Variants in SUGCT observed in about 807,000 individuals in gnomAD.
The protein encoded by SUGCT is succinyl-CoA:glutarate CoA-transferase.
A neutral mutation model predicts 55.0 loss-of-function variants in SUGCT; 41 were observed. That is an observed-to-expected ratio of 0.74 (90% CI 0.58 to 0.97). The LOEUF is 0.97. Ranked by LOEUF, SUGCT falls within the 50% of genes least tolerant of loss-of-function variation. The probability of loss-of-function intolerance (pLI) is 0.00; values close to 1 mark genes in which losing one functional copy is unlikely to be tolerated. For synonymous variants in SUGCT, 187 were observed against 200.4 expected (o/e 0.93, Z 0.56); for missense variants, 568 against 547.8 (o/e 1.04, Z -0.37).
At chr7:40,561,164 C>T (rs1318891512) in intron 12 of SUGCT, among the ~76,000 whole-genome samples, 1 of 152,150 alleles carries the variant, frequency 6.6e-6, no homozygotes, top group East Asian at 1.9e-4. Context: ...CCTTTTTACA[C>T]AGACTAGGAA....
chr7:40,593,302 A>T (rs1032407749), intron 12 of SUGCT, among the ~76,000 whole-genome samples: 2 of 152,044 alleles, frequency 1.3e-5, no homozygotes, highest in Non-Finnish European at 2.9e-5. Context: ...CCCCAAACCC[A>T]CACCATCCCA....
intron 12 of SUGCT, among the ~76,000 whole-genome samples, chr7:40,621,393 A>C (rs1388658479): frequency 6.6e-6 from 1 of 152,190 alleles, no homozygotes; most frequent in East Asian, 1.9e-4. Flanking sequence ...TAGAGCTGAG[A>C]TGCTGAGCTG....
At chr7:40,779,346 T>A (rs559930080) in intron 13 of SUGCT, among the ~76,000 whole-genome samples, 2 of 152,336 alleles carry the variant, frequency 1.3e-5, no homozygotes, top group African/African-American at 4.8e-5. Flanking sequence ...AGTCAGCTTG[T>A]GTACATACTG....
chr7:40,254,750 G>T (rs913605912), intron 7 of SUGCT, among the ~76,000 whole-genome samples: 2 of 151,364 alleles, frequency 1.3e-5, no homozygotes, highest in Non-Finnish European at 2.9e-5. Flanking sequence ...TAAAATGTCA[G>T]GTTTTACCTC....
intron 12 of SUGCT, among the ~76,000 whole-genome samples, chr7:40,595,683 C>T (rs1797978822): frequency 6.6e-6 from 1 of 151,178 alleles, no homozygotes; most frequent in Non-Finnish European, 1.5e-5. Context: ...GAACTAGTTA[C>T]AGTTATAACT....
At chr7:40,201,297 T>A (rs532057923) in intron 6 of SUGCT, among the ~76,000 whole-genome samples, 63 of 152,318 alleles carry the variant, frequency 4.1e-4, no homozygotes, top group Middle Eastern at 3.4e-3. Context: ...CAAGATTTTT[T>A]AAAAATTTCT....
At chr7:40,567,674 G>A (rs1796219867) in intron 12 of SUGCT, among the ~76,000 whole-genome samples, 1 of 152,096 alleles carries the variant, frequency 6.6e-6, no homozygotes, top group African/African-American at 2.4e-5. Context: ...TTTCAAAGTT[G>A]TTCTCACACT....
chr7:40,858,509 A>T (rs1794313138), intron 13 of SUGCT, among the ~76,000 whole-genome samples: 1 of 152,092 alleles, frequency 6.6e-6, no homozygotes, highest in Admixed American at 6.5e-5. Flanking sequence ...GTAAAGTCAC[A>T]TGACATTGAC....
chr7:40,378,369 GA>G (rs1451812562), intron 9 of SUGCT, among the ~76,000 whole-genome samples: 3 of 152,112 alleles, frequency 2.0e-5, no homozygotes, highest in Non-Finnish European at 4.4e-5. Flanking sequence ...CAAAGTTACT[GA>G]TTCTTCTGCC....
intron 12 of SUGCT, among the ~76,000 whole-genome samples, chr7:40,675,432 T>C (rs1783924270): frequency 6.6e-6 from 1 of 152,228 alleles, no homozygotes. Flanking sequence ...TATATTTGTA[T>C]GTGTAGAAAA....
chr7:40,744,560 C>A (rs1319476072), intron 12 of SUGCT, among the ~76,000 whole-genome samples: 3 of 152,146 alleles, frequency 2.0e-5, no homozygotes, highest in African/African-American at 7.2e-5. Flanking sequence ...ATTAGACACA[C>A]CTAAATTATA....
intron 12 of SUGCT, among the ~76,000 whole-genome samples, chr7:40,686,249 G>A (rs1784459466): frequency 6.6e-6 from 1 of 152,106 alleles, no homozygotes; most frequent in African/African-American, 2.4e-5. Flanking sequence ...AAAACCAAAA[G>A]ACTGTGAAAC....
chr7:40,847,383 A>G (rs1322687601), intron 13 of SUGCT, among the ~76,000 whole-genome samples: 7 of 146,844 alleles, frequency 4.8e-5, no homozygotes, highest in Admixed American at 2.1e-4. Flanking sequence ...TGTCCTGGAG[A>G]TGACATATAC....
At chr7:40,747,864 T>C (rs374100888) in intron 12 of SUGCT, among the ~76,000 whole-genome samples, 14 of 152,330 alleles carry the variant, frequency 9.2e-5, no homozygotes, top group Admixed American at 3.3e-4. Context: ...TCAACACTTA[T>C]GTATCAGAAT....
At chr7:40,220,841 G>A (rs947162384) in intron 6 of SUGCT, among the ~76,000 whole-genome samples, 4 of 152,126 alleles carry the variant, frequency 2.6e-5, no homozygotes, top group African/African-American at 9.7e-5. Flanking sequence ...AATCTTCCTT[G>A]TTTGGATTGT....
rs192136554 is a variant in SUGCT at position 40,617,563 on chromosome 7, C to T, written c.1089+121177C>T. On this transcript the variant is annotated intron_variant, in intron 12 of 13. Transcript: ENST00000335693. ...CTCTTCCAGGAGAAAAGAAATTTAG[C>T]TACTTGAAAAAAAGGCACTTAACTT... Among the ~76,000 whole-genome samples the T allele has an allele frequency of 1.0e-3, 149 of 148,212 alleles. No homozygotes were observed. In the Middle Eastern group the frequency reaches 0.01, roughly 10 times the overall value.
At chr7:41,020,609 A>C in the SUGCT span, among the ~76,000 whole-genome samples, 1 of 152,190 alleles carries the variant, frequency 6.6e-6, no homozygotes, top group African/African-American at 2.4e-5. Flanking sequence ...TATTTAAGGA[A>C]ATTCAATGTT....
At chr7:40,234,748 A>C (rs1788912921) in intron 6 of SUGCT, among the ~76,000 whole-genome samples, 1 of 151,988 alleles carries the variant, frequency 6.6e-6, no homozygotes, top group Non-Finnish European at 1.5e-5. Flanking sequence ...ATCCCTACCC[A>C]AAATGCAAAA....
chr7:40,506,739 C>T (rs1030892689), intron 12 of SUGCT, among the ~76,000 whole-genome samples: 16 of 151,962 alleles, frequency 1.1e-4, no homozygotes, highest in African/African-American at 3.9e-4. Context: ...TGTCTGTGTT[C>T]TGCATATTGC....
Sources: gnomAD v4.1 joint callset for allele counts (sites outside exome capture counted in the v4.1 genomes callset) on GRCh38, gnomAD v4.1.1 for gene constraint, MANE v1.5 for transcripts, NCBI Gene and HGNC (gene_info 2026-07-23, HGNC 2026-07-21) for gene names.